SCAPER: variants seen among roughly 807,000 people sequenced by gnomAD.
The protein encoded by SCAPER is S-phase cyclin A associated protein in the ER.
SCAPER carries 98 observed loss-of-function variants against 182.2 expected under a neutral mutation model. That is an observed-to-expected ratio of 0.54 (90% CI 0.46 to 0.64). SCAPER has a LOEUF of 0.64. Ranked by LOEUF, SCAPER falls within the 30% of genes least tolerant of loss-of-function variation. The pLI is 0.00. For synonymous variants in SCAPER, 605 were observed against 564.6 expected, an observed-to-expected ratio of 1.07 and a Z score of -1.01; for missense variants, 1,432 against 1,690.0, an observed-to-expected ratio of 0.85 and a Z score of 2.68.
chr15:76,506,893 G>A (rs1043461860), intron 23 of SCAPER, among the ~76,000 whole-genome samples: 12 of 152,048 alleles, frequency 7.9e-5, no homozygotes, highest in African/African-American at 2.2e-4. Context: ...TGCAATTTAC[G>A]ATCTGTATAT....
chr15:76,653,888 C>T (rs1011113056), intron 21 of SCAPER, among the ~76,000 whole-genome samples: 34 of 152,100 alleles, frequency 2.2e-4, no homozygotes, highest in Non-Finnish European at 5.0e-4. Context: ...AGATTCTGCA[C>T]ATCAAAATAA....
intron 29 of SCAPER, among the ~76,000 whole-genome samples, chr15:76,363,352 G>C (rs772716894): frequency 6.6e-6 from 1 of 152,160 alleles, no homozygotes; most frequent in African/African-American, 2.4e-5. Context: ...TACCCATCCC[G>C]GGCCTTCAAG....
At chr15:76,754,331 T>C (rs773902851) in intron 14 of SCAPER, among the ~76,000 whole-genome samples, 3 of 152,076 alleles carry the variant, frequency 2.0e-5, no homozygotes, top group African/African-American at 7.2e-5. Context: ...ATGTTTAAAA[T>C]GAATATAGTG....
chr15:76,516,021 T>C (rs1424483941), intron 23 of SCAPER, among the ~76,000 whole-genome samples: 1 of 152,012 alleles, frequency 6.6e-6, no homozygotes, highest in Non-Finnish European at 1.5e-5. Context: ...CAGGCCCTAC[T>C]GTTAGGCCTG....
intron 16 of SCAPER, among the ~76,000 whole-genome samples, chr15:76,730,347 G>A (rs2060847313): frequency 1.3e-5 from 2 of 151,794 alleles, no homozygotes; most frequent in African/African-American, 4.8e-5. Flanking sequence ...TGGAGGGAAT[G>A]CCCTTATTTG....
intron 24 of SCAPER, among the ~76,000 whole-genome samples, chr15:76,489,854 T>A (rs142091468): frequency 1.4e-3 from 214 of 152,328 alleles, no homozygotes; most frequent in African/African-American, 4.8e-3. Flanking sequence ...TTCTGTGAAT[T>A]TAAATATTTT....
chr15:76,743,626 G>C (rs752966223), intron 15 of SCAPER, among the ~76,000 whole-genome samples: 18 of 151,790 alleles, frequency 1.2e-4, no homozygotes, highest in Admixed American at 3.9e-4. Flanking sequence ...GAGAATGACA[G>C]AACACTGCTG....
At chr15:76,753,627 G>A (rs1416411652) in intron 15 of SCAPER, among the ~76,000 whole-genome samples, 181 bp downstream of exon 15, 2 of 151,812 alleles carry the variant, frequency 1.3e-5, no homozygotes, top group Admixed American at 1.3e-4. Flanking sequence ...ATAATAGATG[G>A]CTCATAGAAT....
chr15:76,427,228 C>T (rs2046500538), intron 26 of SCAPER, among the ~76,000 whole-genome samples: 1 of 152,116 alleles, frequency 6.6e-6, no homozygotes, highest in Non-Finnish European at 1.5e-5. Context: ...GGGATTATAT[C>T]AAACTAAAAT....
intron 1 of SCAPER, among the ~76,000 whole-genome samples, chr15:76,899,810 C>T (rs2074662426): frequency 1.3e-5 from 2 of 151,166 alleles, no homozygotes; most frequent in South Asian, 2.1e-4. Flanking sequence ...TCTGCCCGGC[C>T]GCCCCGTCTG....
chr15:76,456,210 A>T, intron 25 of SCAPER, among the ~76,000 whole-genome samples: 1 of 152,228 alleles, frequency 6.6e-6, no homozygotes, highest in Middle Eastern at 3.4e-3. Context: ...GGGTCAAATG[A>T]TATTTCTGGT....
chr15:76,651,617 G>T (rs966144298), intron 21 of SCAPER, among the ~76,000 whole-genome samples: 7 of 116,462 alleles, frequency 6.0e-5, no homozygotes, highest in Admixed American at 5.5e-4. Flanking sequence ...TAGTAACAAA[G>T]AACCTACCAA....
At chr15:76,514,907 T>C (rs906430816) in intron 23 of SCAPER, among the ~76,000 whole-genome samples, 1 of 152,224 alleles carries the variant, frequency 6.6e-6, no homozygotes, top group African/African-American at 2.4e-5. Flanking sequence ...CCTTGTTCTG[T>C]GTTTTTCCCT....
chr15:76,813,266 A>G (rs1404745585), intron 5 of SCAPER, among the ~76,000 whole-genome samples: 1 of 149,220 alleles, frequency 6.7e-6, no homozygotes, highest in Non-Finnish European at 1.5e-5. Context: ...CAACTCAACA[A>G]AATAGGTATA....
At chr15:76,740,464 AT>A (rs2061480626) in intron 15 of SCAPER, among the ~76,000 whole-genome samples, 1 of 152,192 alleles carries the variant, frequency 6.6e-6, no homozygotes, top group Non-Finnish European at 1.5e-5. Flanking sequence ...AAGAACAATA[AT>A]TTTTCAAGCT....
chr15:76,800,387 A>G, intron 6 of SCAPER, 23 bp from the exon 7 acceptor site: 1 of 1,402,520 alleles, frequency 7.1e-7, no homozygotes, highest in Non-Finnish European at 1.0e-6. Flanking sequence ...TATATAAACC[A>G]GATTAAATTA....
chr15:76,774,501 A>C (rs1319589949), intron 9 of SCAPER: 2 of 311,050 alleles, frequency 6.4e-6, no homozygotes, highest in Non-Finnish European at 1.2e-5. Context: ...CAAATTTTAT[A>C]ATTGTAATGT....
intron 22 of SCAPER, among the ~76,000 whole-genome samples, chr15:76,575,865 T>C (rs750230303): frequency 1.3e-5 from 2 of 152,244 alleles, no homozygotes; most frequent in Non-Finnish European, 2.9e-5. Context: ...AAATATTCTG[T>C]GTTTTTACTG....
At position 76,524,689 on chromosome 15, in the gene SCAPER, GTTTTTTTTTTTTTTTT is replaced by G. The variant is rs35944222; in HGVS notation, c.2839-19731_2839-19716del. On this transcript the variant is annotated intron_variant, in intron 23 of 31. Coordinates refer to ENST00000563290, the MANE Select transcript of SCAPER (RefSeq NM_020843.4). The stretch of plus-strand genomic sequence containing the variant: ...TTCTGGAGTTGTGTTTTTTTGTTCT[GTTTTTTTTTTTTTTTT>G]TTTTTTTTTTTTACCATTCATGTAA... Among the ~76,000 whole-genome samples, 4 of 50,116 alleles carry G rather than the reference GTTTTTTTTTTTTTTTT, an allele frequency of 8.0e-5. No homozygotes were observed. The East Asian group carries it at 2.9e-3, about 37-fold the overall frequency. 32.9% of individuals were successfully genotyped at this position (50,116 alleles called of 152,430 possible).
Sources: gnomAD v4.1 joint callset for allele counts (sites outside exome capture counted in the v4.1 genomes callset) on GRCh38, gnomAD v4.1.1 for gene constraint, MANE v1.5 for transcripts, NCBI Gene and HGNC (gene_info 2026-07-23, HGNC 2026-07-21) for gene names.